Variants in HTR1D observed in about 807,000 individuals in gnomAD.
HTR1D encodes the protein 5-hydroxytryptamine receptor 1D.
HTR1D carries 18 observed loss-of-function variants against 21.1 expected under a neutral mutation model. That is an observed-to-expected ratio of 0.85 (90% CI 0.59 to 1.27). HTR1D has a LOEUF of 1.27. Among genes scored for constraint, HTR1D ranks in the 50% most tolerant of loss-of-function variants. The probability of loss-of-function intolerance (pLI) is 0.00; values close to 1 mark genes in which losing one functional copy is unlikely to be tolerated. For missense variants in HTR1D, 456 were observed against 481.4 expected (o/e 0.95, Z 0.49); for synonymous variants, 196 against 204.4 (o/e 0.96, Z 0.35).
At position 23,193,426 on chromosome 1, in the gene HTR1D, G is replaced by A. The variant is rs6299; in HGVS notation, c.794C>T (p.Ser265Leu). ...AAAGAGAGGGGAGCCAGCCGAGTGC[G>A]AGTGCCCCTCATGGAGGCTGGAGTT... Reference protein sequence around the residue: ...SLNSSLHEGHSHSAGSPLFFN... With the variant: ...SLNSSLHEGHLHSAGSPLFFN... The change falls in exon 2 of 2, where the codon TCG becomes TTG. Residue 265 changes from serine to leucine, a missense_variant. Coordinates refer to ENST00000374619, the MANE Select transcript of HTR1D (RefSeq NM_000864.5). 1.5e-3 allele frequency: 2,424 copies of A among 1,614,208 alleles called. 37 individuals are homozygous for A. The African/African-American group carries it at 0.029, about 19-fold the overall frequency.
chr1:23,193,164 A>C lies in HTR1D; in HGVS notation c.1056T>G (p.Asn352Lys). The change falls in exon 2 of 2, where the codon AAT becomes AAG. Residue 352 changes from asparagine to lysine, a missense_variant. Asn to Lys is a moderately conservative substitution (Grantham distance 94). Transcript: ENST00000374619. ...TWLGYLNSLINPIIYTVFNEE... is the reference protein window; with the variant it reads ...TWLGYLNSLIKPIIYTVFNEE... ...CATTAAACACAGTGTAGATTATTGG[A>C]TTGATGAGGGAGTTTAAATAGCCTA... is the stretch of plus-strand genomic sequence containing the variant. 1 of 1,611,712 alleles carries C rather than the reference A, an allele frequency of 6.2e-7. No individual in the cohort carries two copies. The highest frequency in any genetic ancestry group is 1.1e-5 in the South Asian group (1 of 90,764).
intron 1 of HTR1D, among the ~76,000 whole-genome samples, chr1:23,204,313 G>T (rs938899149): frequency 7.2e-5 from 11 of 152,142 alleles, no homozygotes; most frequent in African/African-American, 2.7e-4. Context: ...TTTTAGTAGA[G>T]ACGGGGTTTC....
intron 1 of HTR1D, among the ~76,000 whole-genome samples, chr1:23,197,617 G>C (rs1388765250): frequency 6.6e-6 from 1 of 151,888 alleles, no homozygotes; most frequent in African/African-American, 2.4e-5. Context: ...AGCTACTCGG[G>C]AGGCTGAGGC....
chr1:23,199,893 A>T (rs188287437), intron 1 of HTR1D, among the ~76,000 whole-genome samples: 12 of 152,084 alleles, frequency 7.9e-5, no homozygotes, highest in African/African-American at 2.4e-4. Context: ...TTTAGTAAAG[A>T]TGGGGTTTCA....
At chr1:23,215,171 T>C (rs1644768137) in intron 1 of HTR1D, among the ~76,000 whole-genome samples, 1 of 152,074 alleles carries the variant, frequency 6.6e-6, no homozygotes, top group Non-Finnish European at 1.5e-5. Flanking sequence ...AGTCCCAGCA[T>C]TTTGGGAGGC....
At chr1:23,216,851 C>G (rs924851408) in intron 1 of HTR1D, among the ~76,000 whole-genome samples, 1 of 152,136 alleles carries the variant, frequency 6.6e-6, no homozygotes, top group African/African-American at 2.4e-5. Context: ...ACACCGGACC[C>G]CCTTCAACTC....
chr1:23,194,227 G>T lies in HTR1D; in HGVS notation c.-8C>A, dbSNP rs768330110. 1 of 1,607,524 alleles carries T rather than the reference G, an allele frequency of 6.2e-7. No individual in the cohort carries two copies. The highest frequency in any genetic ancestry group is 2.2e-5 in the East Asian group (1 of 44,836). On this transcript the variant is annotated 5_prime_UTR_variant, in exon 2 of 2. Coordinates refer to ENST00000374619, the MANE Select transcript of HTR1D (RefSeq NM_000864.5). ...CTGGTTCAGTGGGGACATGCTAGGT[G>T]GCTCTCTCTTCCCACAGACCTCCAC...
chr1:23,207,087 T>C (rs1481486977), intron 1 of HTR1D, among the ~76,000 whole-genome samples: 1 of 152,084 alleles, frequency 6.6e-6, no homozygotes, highest in African/African-American at 2.4e-5. Context: ...CAGAATCACC[T>C]ACCTTGAAGA....
chr1:23,214,852 C>T (rs982809593), intron 1 of HTR1D, among the ~76,000 whole-genome samples: 6 of 152,040 alleles, frequency 3.9e-5, no homozygotes, highest in South Asian at 2.1e-4. Context: ...GCCTGAGGAG[C>T]GATCTGGGCT....
rs1644779618 is a variant in HTR1D at position 23,217,306 on chromosome 1, C to A, written c.-798G>T. On this transcript the variant is annotated 5_prime_UTR_variant, in exon 1 of 2. Transcript: ENST00000374619. The surrounding 1 kb of genome is among the most constrained non-coding windows in gnomAD (Gnocchi z 4.6). ...GAGAGCTTACCCGCTGCCCGGCGGGCAGGTGCGCACACCCGGCGTACCCGC... is the reference window on the plus strand; with the variant it reads ...GAGAGCTTACCCGCTGCCCGGCGGGAAGGTGCGCACACCCGGCGTACCCGC... Among the ~76,000 whole-genome samples, 1 of 151,748 alleles carries A rather than the reference C, an allele frequency of 6.6e-6. No homozygotes were observed.
At chr1:23,204,004 G>A (rs757180351) in intron 1 of HTR1D, among the ~76,000 whole-genome samples, 7 of 152,132 alleles carry the variant, frequency 4.6e-5, no homozygotes, top group African/African-American at 7.2e-5. Flanking sequence ...AAAAATTAGC[G>A]CTTGCCTACT....
chr1:23,202,577 T>G (rs188307458), intron 1 of HTR1D, among the ~76,000 whole-genome samples: 2 of 152,284 alleles, frequency 1.3e-5, no homozygotes, highest in African/African-American at 4.8e-5. Context: ...TAGAAGCCAG[T>G]CTCATCTTTT....
At position 23,192,385 on chromosome 1, in the gene HTR1D, A is replaced by G. The variant is rs533596974; in HGVS notation, c.*701T>C. 2 of 152,734 alleles carry G rather than the reference A, an allele frequency of 1.3e-5. No homozygotes were observed. The highest frequency in any genetic ancestry group is 4.1e-4 in the South Asian group (2 of 4,826). 9.5% of individuals were successfully genotyped at this position (152,734 alleles called of 1,614,324 possible). A position where few individuals can be genotyped will look rare whatever the true frequency, so the allele number is the denominator to read the frequency against. On this transcript the variant is annotated 3_prime_UTR_variant, in exon 2 of 2. Coordinates refer to ENST00000374619, the MANE Select transcript of HTR1D (RefSeq NM_000864.5). ...AATTCTCTTTCAATTCAGGTCATTAATCTTATTCACCCTCCTTTAAGCTCC... is the reference window on the plus strand; with the variant it reads ...AATTCTCTTTCAATTCAGGTCATTAGTCTTATTCACCCTCCTTTAAGCTCC...
chr1:23,202,474 G>A (rs1557723572), intron 1 of HTR1D, among the ~76,000 whole-genome samples: 1 of 152,174 alleles, frequency 6.6e-6, no homozygotes, highest in Non-Finnish European at 1.5e-5. Flanking sequence ...CCTGCAGGAA[G>A]ATCTGTTGCC....
intron 1 of HTR1D, among the ~76,000 whole-genome samples, chr1:23,202,382 C>T (rs762417125): frequency 2.2e-4 from 33 of 152,268 alleles, no homozygotes; most frequent in Non-Finnish European, 4.1e-4. Flanking sequence ...CATGAGCCAC[C>T]GCACCTGGCC....
rs551255114 is a variant in HTR1D, at chr1:23,192,254, G to C, written c.*832C>G. The C allele has an allele frequency of 6.6e-6, 1 of 152,550 alleles. No homozygotes were observed. The highest frequency in any genetic ancestry group is 2.1e-4 in the South Asian group (1 of 4,814). 9.4% of individuals were successfully genotyped at this position (152,550 alleles called of 1,614,324 possible). ...CTGCAAATACTGTCTTTCTCTTCAC[G>C]GACAACTGGGAGAGATTTAATCTAA... is the stretch of plus-strand genomic sequence containing the variant. On this transcript the variant is annotated 3_prime_UTR_variant, in exon 2 of 2. Coordinates refer to ENST00000374619, the MANE Select transcript of HTR1D (RefSeq NM_000864.5).
chr1:23,193,387 T>C lies in HTR1D; in HGVS notation c.833A>G (p.Lys278Arg). 6.2e-7 allele frequency: 1 copy of C among 1,614,178 alleles called. No individual in the cohort carries two copies. Among genetic ancestry groups the C allele is most frequent in the Non-Finnish European group, 8.5e-7 (1 of 1,180,038 alleles). The part of the protein sequence containing the change: ...AGSPLFFNHV[K>R]IKLADSALER... ...CAGGGCACTGTCAGCAAGCTTGATT[T>C]TCACGTGGTTGAAAAAGAGAGGGGA... Residue 278 changes from lysine to arginine, a missense_variant, in exon 2 of 2, where the codon AAA becomes AGA. Coordinates refer to ENST00000374619, the MANE Select transcript of HTR1D (RefSeq NM_000864.5).
At chr1:23,201,545 C>T (rs1644709184) in intron 1 of HTR1D, among the ~76,000 whole-genome samples, 2 of 152,062 alleles carry the variant, frequency 1.3e-5, no homozygotes, top group Admixed American at 1.3e-4. Flanking sequence ...AAGGAACTTT[C>T]TTCTTCTTCT....
intron 1 of HTR1D, among the ~76,000 whole-genome samples, chr1:23,204,453 G>A (rs116265816): frequency 1.6e-3 from 248 of 152,204 alleles, no homozygotes; most frequent in Non-Finnish European, 2.5e-3. Context: ...TGGAAAATGC[G>A]AACAATAACA....
Sources: allele counts gnomAD v4.1 joint callset (sites outside exome capture counted in the v4.1 genomes callset), GRCh38; gene constraint gnomAD v4.1.1; non-coding constraint Gnocchi (gnomAD v3.1); transcripts MANE v1.5; gene names NCBI Gene and HGNC (gene_info 2026-07-23, HGNC 2026-07-21).